The following SLC13A3 variants were observed in gnomAD, a reference collection of about 807,000 sequenced individuals.
The protein encoded by SLC13A3 is solute carrier family 13 member 3.
SLC13A3 carries 40 observed loss-of-function variants against 59.0 expected under a neutral mutation model. That is an observed-to-expected ratio of 0.68 (90% CI 0.53 to 0.88). SLC13A3 has a LOEUF of 0.88. Ranked by LOEUF, SLC13A3 falls within the 40% of genes least tolerant of loss-of-function variation. The probability of loss-of-function intolerance (pLI) is 0.00; values close to 1 mark genes in which losing one functional copy is unlikely to be tolerated. For missense variants in SLC13A3, 699 were observed against 783.2 expected (o/e 0.89, Z 1.28); for synonymous variants, 317 against 330.3 (o/e 0.96, Z 0.44).
chr20:46,597,426 TTATTA>T (rs1179290966), intron 4 of SLC13A3, among the ~76,000 whole-genome samples: 4 of 152,272 alleles, frequency 2.6e-5, no homozygotes, highest in African/African-American at 9.6e-5. Flanking sequence ...ATGTTTTATT[TTATTA>T]TTTATTTTTA....
At chr20:46,620,552 C>T (rs1355403414) in intron 1 of SLC13A3, among the ~76,000 whole-genome samples, 2 of 151,982 alleles carry the variant, frequency 1.3e-5, no homozygotes, top group Non-Finnish European at 2.9e-5. Flanking sequence ...ACTTTATGAA[C>T]AGTTTATGGG....
Position 46,575,558 on chromosome 20 carries a change from G to T in SLC13A3, c.1332+15C>A. 1 of 1,513,690 alleles carries T rather than the reference G, an allele frequency of 6.6e-7. No individual in the cohort carries two copies. The highest frequency in any genetic ancestry group is 9.0e-7 in the Non-Finnish European group (1 of 1,108,692). 93.8% of individuals were successfully genotyped at this position (1,513,690 alleles called of 1,614,324 possible). A position where few individuals can be genotyped will look rare whatever the true frequency, so the allele number is the denominator to read the frequency against. ...CCCACTGTTCCTGCTGGTTGGGGGAGCCAGGGGGTCTTACCTCACAGCCTT... is the reference window on the plus strand; with the variant it reads ...CCCACTGTTCCTGCTGGTTGGGGGATCCAGGGGGTCTTACCTCACAGCCTT... On this transcript the variant is annotated intron_variant, in intron 10 of 12. Transcript: ENST00000279027.
At chr20:46,627,348 A>C (rs1321311530) in intron 1 of SLC13A3, among the ~76,000 whole-genome samples, 1 of 152,170 alleles carries the variant, frequency 6.6e-6, no homozygotes, top group African/African-American at 2.4e-5. Flanking sequence ...CAGGGGATAA[A>C]AGTTCCCAAG....
chr20:46,600,193 GGAGGAAGGGAGAGA>G (rs2062358353), intron 3 of SLC13A3, among the ~76,000 whole-genome samples, 156 bp from the exon 4 acceptor site: 2 of 147,422 alleles, frequency 1.4e-5, no homozygotes, highest in Non-Finnish European at 3.0e-5. Context: ...AGGAAGAGAG[GGAGGAAGGGAGAGA>G]GAGGAAGGGA....
At chr20:46,600,313 GGGAAGGAAGGAAAGGAA>G (rs1555878122) in intron 3 of SLC13A3, among the ~76,000 whole-genome samples, 3 of 123,882 alleles carry the variant, frequency 2.4e-5, no homozygotes, top group South Asian at 2.7e-4. Flanking sequence ...GAAAGAAAGA[GGGAAGGAAGGAAAGGAA>G]GGAAGGAAGG....
intron 1 of SLC13A3, among the ~76,000 whole-genome samples, chr20:46,640,284 C>T (rs2062834915): frequency 6.6e-6 from 1 of 152,116 alleles, no homozygotes; most frequent in Non-Finnish European, 1.5e-5. Context: ...TCTCTCTGCG[C>T]AGAGGGCTGG....
At chr20:46,641,395 G>A (rs1486923326) in intron 1 of SLC13A3, among the ~76,000 whole-genome samples, 1 of 152,116 alleles carries the variant, frequency 6.6e-6, no homozygotes, top group African/African-American at 2.4e-5. Context: ...AAGGGGGAGA[G>A]GCAGACACTA....
At chr20:46,623,304 A>C (rs932990537) in intron 1 of SLC13A3, among the ~76,000 whole-genome samples, 1 of 152,236 alleles carries the variant, frequency 6.6e-6, no homozygotes, top group Non-Finnish European at 1.5e-5. Flanking sequence ...AATGACAATC[A>C]CAATCACCAA....
intron 3 of SLC13A3, among the ~76,000 whole-genome samples, chr20:46,603,127 G>A (rs2062396731): frequency 6.6e-6 from 1 of 151,638 alleles, no homozygotes; most frequent in African/African-American, 2.4e-5. Context: ...ACGGTGAGCT[G>A]AGATAGCACC....
intron 1 of SLC13A3, among the ~76,000 whole-genome samples, chr20:46,630,803 A>G (rs1412986576): frequency 1.3e-5 from 2 of 152,312 alleles, no homozygotes; most frequent in East Asian, 3.9e-4. Flanking sequence ...TTTGGAATTA[A>G]AGGAGCCTGA....
At chr20:46,596,531 T>C (rs2062314826) in intron 4 of SLC13A3, among the ~76,000 whole-genome samples, 189 bp from the exon 5 acceptor site, 1 of 152,154 alleles carries the variant, frequency 6.6e-6, no homozygotes, top group Non-Finnish European at 1.5e-5. Flanking sequence ...AATAGACAAG[T>C]GTCTCAGGTG....
In SLC13A3 at chr20:46,639,792, A is replaced by G. The variant is rs146832744; in HGVS notation, c.111+11519T>C. Among the ~76,000 whole-genome samples the G allele has an allele frequency of 1.6e-3, 240 of 152,328 alleles. 1 individual carries two copies. The highest frequency in any genetic ancestry group is 5.4e-3 in the African/African-American group (223 of 41,568). On this transcript the variant is annotated intron_variant, in intron 1 of 12. Coordinates refer to ENST00000279027, the MANE Select transcript of SLC13A3 (RefSeq NM_022829.6). ...CCCCACTATTTTGTCAATGGCTATG[A>G]GATGCTGGGCAAATGGCTTAATCTC...
At position 46,558,908 on chromosome 20, in the gene SLC13A3, C is replaced by A. The variant is rs2061907631; in HGVS notation, c.*1114G>T. The A allele has an allele frequency of 6.6e-6, 1 of 151,810 alleles. No homozygotes were observed. The highest frequency in any genetic ancestry group is 2.4e-5 in the African/African-American group (1 of 41,296). 9.4% of individuals were successfully genotyped at this position (151,810 alleles called of 1,614,324 possible). Reference sequence around the variant, plus strand: ...GATGCCAGAATGCTTCTGCTTGGAACAAAGAGGGATTAACCCTTGAAGGCA... The same window carrying A: ...GATGCCAGAATGCTTCTGCTTGGAAAAAAGAGGGATTAACCCTTGAAGGCA... On this transcript the variant is annotated 3_prime_UTR_variant, in exon 13 of 13. Coordinates refer to ENST00000279027, the MANE Select transcript of SLC13A3 (RefSeq NM_022829.6).
chr20:46,644,550 T>C (rs1224014889), intron 1 of SLC13A3, among the ~76,000 whole-genome samples: 1 of 152,198 alleles, frequency 6.6e-6, no homozygotes, highest in Non-Finnish European at 1.5e-5. Context: ...ACATTTTGCA[T>C]GTATGAACTT....
intron 1 of SLC13A3, among the ~76,000 whole-genome samples, chr20:46,645,082 T>C (rs888709488): frequency 6.6e-6 from 1 of 152,200 alleles, no homozygotes; most frequent in Non-Finnish European, 1.5e-5. Context: ...AGAGAATCCA[T>C]GCCTTGCCTG....
intron 3 of SLC13A3, chr20:46,600,547 G>A (rs750734888): frequency 2.4e-6 from 1 of 422,006 alleles, no homozygotes. Context: ...GGGTTTAGCT[G>A]CAGGGCTGCT....
chr20:46,564,914 T>C (rs1293010246), intron 11 of SLC13A3, among the ~76,000 whole-genome samples: 1 of 152,258 alleles, frequency 6.6e-6, no homozygotes, highest in Non-Finnish European at 1.5e-5. Flanking sequence ...ACACAGTGTA[T>C]ATCTGTGTGC....
intron 4 of SLC13A3, among the ~76,000 whole-genome samples, chr20:46,598,915 T>C (rs1568928985): frequency 6.6e-6 from 1 of 152,134 alleles, no homozygotes; most frequent in Non-Finnish European, 1.5e-5. Flanking sequence ...TTGCACGTGC[T>C]GGTCCACACG....
chr20:46,606,738 T>C (rs2062440547), intron 3 of SLC13A3, among the ~76,000 whole-genome samples: 1 of 152,204 alleles, frequency 6.6e-6, no homozygotes, highest in South Asian at 2.1e-4. Flanking sequence ...GGCCCCTTAC[T>C]GGCCAAGGAA....
Sources: gnomAD v4.1 joint callset for allele counts (sites outside exome capture counted in the v4.1 genomes callset) on GRCh38, gnomAD v4.1.1 for gene constraint, MANE v1.5 for transcripts, NCBI Gene and HGNC (gene_info 2026-07-23, HGNC 2026-07-21) for gene names.